The following UNC13B variants were observed in gnomAD, a reference collection of about 807,000 sequenced individuals.
UNC13B encodes the protein protein unc-13 homolog B.
A neutral mutation model predicts 211.0 loss-of-function variants in UNC13B; 144 were observed. The ratio of observed to expected loss-of-function variants is 0.68; its 90% CI spans 0.60 to 0.78. The LOEUF (loss-of-function observed/expected upper bound fraction) is 0.78, where lower values mean the gene tolerates loss of function less well. Among genes scored for constraint, UNC13B ranks in the 30% least tolerant of loss-of-function variants. UNC13B has a pLI of 0.00. For synonymous variants in UNC13B, 709 were observed against 725.8 expected, an observed-to-expected ratio of 0.98 and a Z score of 0.37; for missense variants, 1,777 against 2,002.0, an observed-to-expected ratio of 0.89 and a Z score of 2.14.
At chr9:35,387,658 A>G (rs1189079399) in intron 24 of UNC13B, among the ~76,000 whole-genome samples, 1 of 152,016 alleles carries the variant, frequency 6.6e-6, no homozygotes, top group East Asian at 1.9e-4. Flanking sequence ...TTTTTTCCTT[A>G]TTCCATATTT....
intron 12 of UNC13B, 85 bp from the exon 13 acceptor site, chr9:35,370,233 G>A: frequency 8.7e-7 from 1 of 1,145,312 alleles, no homozygotes; most frequent in South Asian, 1.4e-5. Flanking sequence ...CTGGGGAGAG[G>A]GAGAGCAAGG....
Position 35,300,161 on chromosome 9 carries a change from TC to T in UNC13B, c.762-3del, listed in dbSNP as rs1257669178. The T allele has an allele frequency of 2.5e-5, 10 of 398,692 alleles. No homozygotes were observed. The highest frequency in any genetic ancestry group is 4.4e-5 in the Non-Finnish European group (10 of 225,982). The allele number at this position is 398,692 out of a possible 1,614,324, so 24.7% of individuals were successfully genotyped here. On this transcript the variant is annotated splice_region_variant and splice_polypyrimidine_tract_variant and intron_variant, in intron 8 of 39. Coordinates refer to ENST00000635942, the MANE Select transcript of UNC13B (RefSeq NM_001371189.2). ...GTTTAAGGTTGAAACTTCTGTTTTC[TC>T]CAGGTATGCTCAGAAATATGATACA...
intron 7 of UNC13B, among the ~76,000 whole-genome samples, chr9:35,276,713 C>G (rs1266464370): frequency 6.6e-6 from 1 of 152,048 alleles, no homozygotes; most frequent in African/African-American, 2.4e-5. Context: ...TTCAATTTCC[C>G]CCTCTATTCC....
intron 14 of UNC13B, 128 bp downstream of exon 14, chr9:35,375,329 G>C: frequency 1.0e-6 from 1 of 996,266 alleles, no homozygotes; most frequent in South Asian, 1.4e-5. Context: ...TGATGAAAAA[G>C]ATAGATAGCA....
chr9:35,354,680 G>A lies in UNC13B; in HGVS notation c.9415-12267G>A, dbSNP rs139382950. ...TTCATCCAGTTTTAAATTTAAATGGGGTTGTCCTCTTATGCATATAACCTG... is the reference window on the plus strand; with the variant it reads ...TTCATCCAGTTTTAAATTTAAATGGAGTTGTCCTCTTATGCATATAACCTG... On this transcript the variant is annotated intron_variant, in intron 11 of 39. Transcript: ENST00000635942. Among the ~76,000 whole-genome samples, 4 of 152,210 alleles carry A rather than the reference G, an allele frequency of 2.6e-5. No individual in the cohort carries two copies. The East Asian group carries it at 7.7e-4, about 29-fold the overall frequency.
In UNC13B at chr9:35,403,513, C is replaced by T. The variant is rs997333248; in HGVS notation, c.12651C>T (p.Gly4217=). The change falls in exon 39 of 40, where the codon GGC becomes GGT. Residue 4217 remains glycine, a synonymous_variant. Coordinates refer to ENST00000635942, the MANE Select transcript of UNC13B (RefSeq NM_001371189.2). Reference sequence around the variant, plus strand: ...CTTTCGTGGAGGTGACTATGGTTGGCCCACACCAAAGTGATAAGAAGAGGA... The same window carrying T: ...CTTTCGTGGAGGTGACTATGGTTGGTCCACACCAAAGTGATAAGAAGAGGA... The part of the protein sequence containing the change: ...FRPFVEVTMV[G]PHQSDKKRKF... The T allele has an allele frequency of 8.1e-6, 13 of 1,613,866 alleles. No homozygotes were observed. The highest frequency in any genetic ancestry group is 4.0e-5 in the African/African-American group (3 of 74,860).
chr9:35,256,314 CAG>C (rs2131613481), intron 6 of UNC13B, among the ~76,000 whole-genome samples: 1 of 152,088 alleles, frequency 6.6e-6, no homozygotes, highest in Admixed American at 6.6e-5. Context: ...AGTATTTTCT[CAG>C]ACTTTTCTTG....
chr9:35,362,482 T>C (rs558665589), intron 11 of UNC13B, among the ~76,000 whole-genome samples: 2 of 152,278 alleles, frequency 1.3e-5, no homozygotes, highest in African/African-American at 4.8e-5. Flanking sequence ...AAGAGACTTA[T>C]CAAGTGACAC....
intron 11 of UNC13B, chr9:35,364,425 GAC>G: frequency 9.3e-7 from 1 of 1,072,058 alleles, no homozygotes; most frequent in Non-Finnish European, 1.3e-6. Context: ...TTGTCCCGAG[GAC>G]CTCTCCCTCT....
chr9:35,289,004 GTTTT>G (rs5897598), intron 7 of UNC13B, among the ~76,000 whole-genome samples: 1 of 149,204 alleles, frequency 6.7e-6, no homozygotes. Flanking sequence ...CTACAGGAGG[GTTTT>G]TTTTTTTTGC....
Position 35,384,591 on chromosome 9 carries a change from A to T in UNC13B, c.10875+277A>T, listed in dbSNP as rs1264807570. 3.0e-6 allele frequency: 3 copies of T among 985,348 alleles called. No individual in the cohort carries two copies. The East Asian group carries it at 3.4e-4, about 112-fold the overall frequency. 61.0% of individuals were successfully genotyped at this position (985,348 alleles called of 1,614,324 possible). A position where few individuals can be genotyped will look rare whatever the true frequency, so the allele number is the denominator to read the frequency against. On this transcript the variant is annotated intron_variant, in intron 22 of 39. Transcript: ENST00000635942. Reference sequence around the variant, plus strand: ...TAAACTCTCTGGTGACATTCTCATTAGGGAGTTTCCTGAGGATAATCTCTT... The same window carrying T: ...TAAACTCTCTGGTGACATTCTCATTTGGGAGTTTCCTGAGGATAATCTCTT...
At position 35,381,139 on chromosome 9, in the gene UNC13B, G is replaced by A; in HGVS notation, c.10415G>A (p.Arg3472Gln). Residue 3472 changes from arginine to glutamine, a missense_variant, in exon 19 of 40, where the codon CGA (arginine) becomes CAA (glutamine). Transcript: ENST00000635942. ...AAATCAGCCGTCTCAGGGGCTATCCGACTACAAATCAGTGTGGAGATCAAG... is the reference window on the plus strand; with the variant it reads ...AAATCAGCCGTCTCAGGGGCTATCCAACTACAAATCAGTGTGGAGATCAAG... ...TDKSAVSGAI[R>Q]LQISVEIKGE... 6.8e-6 allele frequency: 11 copies of A among 1,614,122 alleles called. No homozygotes were observed. The highest frequency in any genetic ancestry group is 1.7e-4 in the Middle Eastern group (1 of 6,054).
intron 6 of UNC13B, among the ~76,000 whole-genome samples, chr9:35,258,684 G>C (rs530637141): frequency 6.6e-6 from 1 of 152,198 alleles, no homozygotes; most frequent in Admixed American, 6.5e-5. Flanking sequence ...ATATTCTAAG[G>C]ATTCTAAGGC....
chr9:35,364,631 CTG>C, intron 11 of UNC13B: 1 of 1,502,714 alleles, frequency 6.7e-7, no homozygotes, highest in Non-Finnish European at 8.9e-7. Flanking sequence ...TTCCCAAGCA[CTG>C]TATGTGTGTG....
chr9:35,177,838 CAGAA>C lies in UNC13B; in HGVS notation c.22+15535_22+15538del, dbSNP rs1390535794. Among the ~76,000 whole-genome samples, 7 of 152,036 alleles carry C rather than the reference CAGAA, an allele frequency of 4.6e-5. No individual in the cohort carries two copies. In the East Asian group the frequency reaches 1.4e-3, roughly 29 times the overall value. ...AGACACAAATGGATAATTTCTAAAA[CAGAA>C]AAAATATAATGGATTGTAGAAATTC... On this transcript the variant is annotated intron_variant, in intron 1 of 39. Transcript: ENST00000635942.
intron 1 of UNC13B, among the ~76,000 whole-genome samples, chr9:35,193,679 AGATT>A (rs1822782444): frequency 6.7e-6 from 1 of 149,548 alleles, no homozygotes; most frequent in Non-Finnish European, 1.5e-5. Context: ...AAAAAAAAAA[AGATT>A]GTAGGGACTA....
At chr9:35,403,119 C>T in intron 37 of UNC13B, 48 bp from the exon 38 acceptor site, 1 of 1,589,456 alleles carries the variant, frequency 6.3e-7, no homozygotes, top group Non-Finnish European at 8.6e-7. Flanking sequence ...CTCAGGTTTA[C>T]CTCCTACAGT....
chr9:35,375,100 G>T, intron 13 of UNC13B, 27 bp from the exon 14 acceptor site: 1 of 1,613,850 alleles, frequency 6.2e-7, no homozygotes, highest in South Asian at 1.1e-5. Context: ...GCAGTGGTCA[G>T]GGCTAACAGC....
intron 39 of UNC13B, 42 bp from the exon 40 acceptor site, chr9:35,403,704 GAA>G (rs757419994): frequency 6.2e-6 from 10 of 1,608,990 alleles, no homozygotes; most frequent in Non-Finnish European, 8.5e-6. Context: ...GAAATCAGCT[GAA>G]GACTCAACTC....
Sources: allele counts gnomAD v4.1 joint callset (sites outside exome capture counted in the v4.1 genomes callset), GRCh38; gene constraint gnomAD v4.1.1; transcripts MANE v1.5; gene names NCBI Gene and HGNC (gene_info 2026-07-23, HGNC 2026-07-21).